Variants in NDUFA8 observed in about 807,000 individuals in gnomAD.
The protein encoded by NDUFA8 is NADH dehydrogenase [ubiquinone] 1 alpha subcomplex subunit 8.
Under a neutral mutation model 20.9 loss-of-function variants are expected in NDUFA8, and 16 were observed. The observed-to-expected ratio is 0.77, with a 90% CI of 0.52 to 1.16. NDUFA8 has a LOEUF of 1.16. Among genes scored for constraint, NDUFA8 ranks in the 50% most tolerant of loss-of-function variants. The pLI is 0.00. For missense variants in NDUFA8, 202 were observed against 216.4 expected (o/e 0.93, Z 0.42); for synonymous variants, 70 against 76.1 (o/e 0.92, Z 0.41).
intron 3 of NDUFA8, among the ~76,000 whole-genome samples, chr9:122,146,581 C>T (rs1445341107): frequency 6.6e-6 from 1 of 152,138 alleles, no homozygotes; most frequent in Non-Finnish European, 1.5e-5. Context: ...GCTTATAATC[C>T]AACCATTCAC....
At chr9:122,158,885 C>G (rs1829126774) in intron 1 of NDUFA8, among the ~76,000 whole-genome samples, 1 of 151,606 alleles carries the variant, frequency 6.6e-6, no homozygotes, top group Non-Finnish European at 1.5e-5. Context: ...TAATTAGCAT[C>G]CTGCCTGGTA....
downstream of NDUFA8, among the ~76,000 whole-genome samples, chr9:122,139,476 G>C (rs1302660026): frequency 6.6e-6 from 1 of 152,154 alleles, no homozygotes; most frequent in Non-Finnish European, 1.5e-5. Flanking sequence ...GAAGTTCCAT[G>C]AGGGAAGGGC....
At chr9:122,133,479 G>T in the NDUFA8 span, among the ~76,000 whole-genome samples, 1 of 152,214 alleles carries the variant, frequency 6.6e-6, no homozygotes, top group African/African-American at 2.4e-5. Context: ...AATTAAAGGT[G>T]CAATCTCCTA....
downstream of NDUFA8, among the ~76,000 whole-genome samples, chr9:122,143,572 A>T (rs1165123211): frequency 6.6e-6 from 1 of 152,182 alleles, no homozygotes; most frequent in Non-Finnish European, 1.5e-5. Flanking sequence ...TTGGAGCTGG[A>T]AGTTCAGCCT....
intron 1 of NDUFA8, among the ~76,000 whole-genome samples, chr9:122,155,978 G>A (rs924150914): frequency 2.6e-5 from 4 of 152,220 alleles, no homozygotes; most frequent in Non-Finnish European, 5.9e-5. Flanking sequence ...AAAGAGGGAT[G>A]TGCTAGAGAC....
chr9:122,146,798 A>C (rs1237828546), intron 3 of NDUFA8, among the ~76,000 whole-genome samples: 2 of 152,228 alleles, frequency 1.3e-5, no homozygotes, highest in Non-Finnish European at 2.9e-5. Context: ...TGGGAGGCTG[A>C]GGTGGGAGAA....
At chr9:122,139,237 ACACTCTTCCATC>A (rs1828787096), downstream of NDUFA8, among the ~76,000 whole-genome samples, 1 of 152,086 alleles carries the variant, frequency 6.6e-6, no homozygotes, top group African/African-American at 2.4e-5. Context: ...GCAGACTGGG[ACACTCTTCCATC>A]CACTCTTTCA....
chr9:122,134,130 C>G, the NDUFA8 span, among the ~76,000 whole-genome samples: 3 of 152,208 alleles, frequency 2.0e-5, no homozygotes, highest in Non-Finnish European at 4.4e-5. Context: ...GCCAACACAC[C>G]ACACGTAGAT....
chr9:122,138,293 CAATTTATATTTCTTGCATGT>C, the NDUFA8 span, among the ~76,000 whole-genome samples: 2 of 152,122 alleles, frequency 1.3e-5, no homozygotes, highest in Admixed American at 1.3e-4. Flanking sequence ...TTCTTGCATG[CAATTTATATTTCTTGCATGT>C]AATTTATATT....
downstream of NDUFA8, among the ~76,000 whole-genome samples, chr9:122,139,635 G>A (rs1005830305): frequency 3.9e-5 from 6 of 152,170 alleles, no homozygotes; most frequent in Admixed American, 1.3e-4. Context: ...GAGTATGAAT[G>A]AGCAAGAGTG....
chr9:122,149,880 C>T (rs982268907), intron 2 of NDUFA8, among the ~76,000 whole-genome samples: 33 of 152,044 alleles, frequency 2.2e-4, no homozygotes, highest in Admixed American at 2.1e-3. Flanking sequence ...TCGCTTGAAC[C>T]CAGGAGGCAG....
At chr9:122,149,525 C>T (rs1482212612) in intron 2 of NDUFA8, among the ~76,000 whole-genome samples, 1 of 152,214 alleles carries the variant, frequency 6.6e-6, no homozygotes, top group East Asian at 1.9e-4. Flanking sequence ...CTACTAATGC[C>T]TACAACCAGC....
At chr9:122,134,424 C>T in the NDUFA8 span, among the ~76,000 whole-genome samples, 4 of 152,262 alleles carry the variant, frequency 2.6e-5, no homozygotes, top group African/African-American at 4.8e-5. Context: ...ATAACAGGAA[C>T]GCCTATTTCA....
chr9:122,157,374 T>C (rs552965984), intron 1 of NDUFA8, among the ~76,000 whole-genome samples: 1 of 152,346 alleles, frequency 6.6e-6, no homozygotes, highest in South Asian at 2.1e-4. Flanking sequence ...TGTCTGCAAA[T>C]GCTAAAATCA....
downstream of NDUFA8, among the ~76,000 whole-genome samples, chr9:122,141,009 G>GGATA (rs1828811143): frequency 6.6e-6 from 1 of 152,178 alleles, no homozygotes; most frequent in Non-Finnish European, 1.5e-5. Flanking sequence ...TGTAGGAAGG[G>GGATA]GATACTTCCT....
chr9:122,132,993 C>A, the NDUFA8 span: 1 of 456,104 alleles, frequency 2.2e-6, no homozygotes, highest in Non-Finnish European at 4.4e-6. Flanking sequence ...GGAAAAGGCA[C>A]CACGTTTGCC....
rs1033816668 is a variant in NDUFA8, at chr9:122,159,756, G to T, written c.-79C>A. 2.5e-6 allele frequency: 4 copies of T among 1,601,558 alleles called. No individual in the cohort carries two copies. Among genetic ancestry groups the T allele is most frequent in the Non-Finnish European group, 3.4e-6 (4 of 1,169,802 alleles). The stretch of plus-strand genomic sequence containing the variant: ...TCCTTGAACTCCCCTTTCGACCGCC[G>T]AGTGCCACACGGCGCCTGCGCATGC... On this transcript the variant is annotated 5_prime_UTR_variant, in exon 1 of 4. Transcript: ENST00000373768.
At chr9:122,156,852 T>C (rs10985552) in intron 1 of NDUFA8, among the ~76,000 whole-genome samples, 48,593 of 152,148 alleles carry the variant, frequency 0.32, 11,529 homozygotes, top group African/African-American at 0.67. Flanking sequence ...TACACTGGGA[T>C]CATTAACATC....
At chr9:122,139,688 C>A (rs1486878710), downstream of NDUFA8, among the ~76,000 whole-genome samples, 8 of 152,250 alleles carry the variant, frequency 5.3e-5, no homozygotes, top group Non-Finnish European at 1.2e-4. Context: ...CCACACACCA[C>A]ACCAATTTTT....
Sources: gnomAD v4.1 joint callset for allele counts (sites outside exome capture counted in the v4.1 genomes callset) on GRCh38, gnomAD v4.1.1 for gene constraint, MANE v1.5 for transcripts, NCBI Gene and HGNC (gene_info 2026-07-23, HGNC 2026-07-21) for gene names.